The following ATXN2 variants were observed in gnomAD, a reference collection of about 807,000 sequenced individuals.
ATXN2 encodes the protein ataxin 2, also known as ataxin-2.
In ATXN2, 37 loss-of-function variants were observed where a neutral mutation model predicts 138.6. The observed-to-expected ratio is 0.27, with a 90% confidence interval of 0.21 to 0.35. The LOEUF (loss-of-function observed/expected upper bound fraction) is 0.35. Ranked by LOEUF, ATXN2 falls within the 10% of genes least tolerant of loss-of-function variation. The pLI is 1.00. For synonymous variants in ATXN2, 549 were observed against 543.7 expected, an observed-to-expected ratio of 1.01 and a Z score of -0.13; for missense variants, 1,216 against 1,480.3, an observed-to-expected ratio of 0.82 and a Z score of 2.93.
intron 15 of ATXN2, 151 bp from the exon 16 acceptor site, chr12:111,486,975 C>T: frequency 1.6e-6 from 1 of 642,502 alleles, no homozygotes; most frequent in Admixed American, 3.0e-5. Context: ...AACATATACA[C>T]TTATATTGCC....
rs1056986071 is a variant in ATXN2, at chr12:111,599,224, G to A, written c.-190C>T. On this transcript the variant is annotated 5_prime_UTR_variant, in exon 1 of 25. Transcript: ENST00000673436. ...CGACGAAGGGGCGGGGAGGCCCGCC[G>A]AGACCAAGGAGCCGCCGGGAGCCGG... is the stretch of plus-strand genomic sequence containing the variant. 3 of 1,199,742 alleles carry A rather than the reference G, an allele frequency of 2.5e-6. No individual in the cohort carries two copies. The highest frequency in any genetic ancestry group is 1.6e-5 in the African/African-American group (1 of 62,488). 74.3% of individuals were successfully genotyped at this position (1,199,742 alleles called of 1,614,324 possible).
At chr12:111,599,504 G>A, upstream of ATXN2, 1 of 1,214,216 alleles carries the variant, frequency 8.2e-7, no homozygotes, top group Non-Finnish European at 1.0e-6. Flanking sequence ...AGCTGCGGCC[G>A]CTGAGCGCAT....
chr12:111,464,613 A>G, intron 21 of ATXN2, 49 bp downstream of exon 21: 1 of 1,462,654 alleles, frequency 6.8e-7, no homozygotes, highest in Non-Finnish European at 9.6e-7. Flanking sequence ...TATCCTTTAA[A>G]AAGTGTTTTA....
intron 5 of ATXN2, among the ~76,000 whole-genome samples, chr12:111,543,634 C>T (rs1028212456): frequency 4.6e-5 from 7 of 152,074 alleles, no homozygotes; most frequent in Admixed American, 2.0e-4. Flanking sequence ...TTATTTGCAT[C>T]GCTGACTCCA....
intron 14 of ATXN2, among the ~76,000 whole-genome samples, chr12:111,500,842 C>T (rs952600277): frequency 1.1e-4 from 17 of 152,128 alleles, no homozygotes; most frequent in Admixed American, 1.3e-4. Flanking sequence ...CACCGCACTC[C>T]AGCCTGGCGA....
At chr12:111,565,481 T>C (rs1012528200) in intron 1 of ATXN2, among the ~76,000 whole-genome samples, 4 of 152,216 alleles carry the variant, frequency 2.6e-5, no homozygotes, top group Non-Finnish European at 2.9e-5. Context: ...TATTTTACAA[T>C]TGTAAATAAT....
chr12:111,452,416 G>A lies in ATXN2; in HGVS notation c.*396C>T, dbSNP rs1874716071. 1 of 155,030 alleles carries A rather than the reference G, an allele frequency of 6.5e-6. No individual in the cohort carries two copies. The highest frequency in any genetic ancestry group is 2.5e-5 in the African/African-American group (1 of 39,664). 9.6% of individuals were successfully genotyped at this position (155,030 alleles called of 1,614,324 possible). A position where few individuals can be genotyped will look rare whatever the true frequency, so the allele number is the denominator to read the frequency against. ...ACTTTGTCAAGTTTAGTAAAAGGGC[G>A]TTCCAAGTCTTGATTTTTTTTTTTT... On this transcript the variant is annotated 3_prime_UTR_variant, in exon 25 of 25. Coordinates refer to ENST00000673436, the MANE Select transcript of ATXN2 (RefSeq NM_001372574.1).
At chr12:111,536,303 T>C (rs1156573736) in intron 5 of ATXN2, among the ~76,000 whole-genome samples, 1 of 152,224 alleles carries the variant, frequency 6.6e-6, no homozygotes, top group African/African-American at 2.4e-5. Context: ...CTGTTAAATC[T>C]TTTGGTACAC....
chr12:111,585,468 G>A (rs1884271973), intron 1 of ATXN2, among the ~76,000 whole-genome samples: 1 of 150,816 alleles, frequency 6.6e-6, no homozygotes, highest in Non-Finnish European at 1.5e-5. Context: ...GGCCAAGATT[G>A]TACCATTGCA....
At chr12:111,507,232 C>G (rs1370328034) in intron 14 of ATXN2, among the ~76,000 whole-genome samples, 1 of 149,670 alleles carries the variant, frequency 6.7e-6, no homozygotes, top group Admixed American at 6.7e-5. Flanking sequence ...CGTCTCTGCC[C>G]GGCCACCCGT....
intron 1 of ATXN2, among the ~76,000 whole-genome samples, chr12:111,574,428 CTTTTT>C (rs1055911668): frequency 6.9e-6 from 1 of 145,824 alleles, no homozygotes. Flanking sequence ...ATTTTCTTTT[CTTTTT>C]TTTGGCGGTG....
At chr12:111,543,761 C>A (rs542678508) in intron 5 of ATXN2, among the ~76,000 whole-genome samples, 2 of 152,292 alleles carry the variant, frequency 1.3e-5, no homozygotes, top group East Asian at 3.9e-4. Context: ...TATGAACTCC[C>A]TGAAGAAACT....
rs1882651073 is a variant in ATXN2, at chr12:111,560,992, A to T, written c.252-5073T>A. Among the ~76,000 whole-genome samples the T allele has an allele frequency of 2.6e-5, 4 of 152,174 alleles. No individual in the cohort carries two copies. In the South Asian group the frequency reaches 8.3e-4, roughly 32 times the overall value. Reference sequence around the variant, plus strand: ...GTAATCCCAGCACTCCAGGAGGCCAAGGCGGGCTGAAACCCCATCTCTACT... The same window carrying T: ...GTAATCCCAGCACTCCAGGAGGCCATGGCGGGCTGAAACCCCATCTCTACT... On this transcript the variant is annotated intron_variant, in intron 1 of 24. Transcript: ENST00000673436.
chr12:111,453,902 T>C lies in ATXN2; in HGVS notation c.3271-57A>G, dbSNP rs1874867899. On this transcript the variant is annotated intron_variant, in intron 23 of 24. Transcript: ENST00000673436. This position sits in a 1 kb window ranked among gnomAD's most constrained non-coding sequence, Gnocchi z 5.4. ...CAACATCTCCGGCTTCAACAACATG[T>C]CAACTGTGTTCCTTTCACTGGGCTG... The C allele has an allele frequency of 2.0e-6, 3 of 1,525,690 alleles. No individual in the cohort carries two copies. The highest frequency in any genetic ancestry group is 2.7e-6 in the Non-Finnish European group (3 of 1,123,924). 94.5% of individuals were successfully genotyped at this position (1,525,690 alleles called of 1,614,324 possible).
chr12:111,501,908 T>TC (rs1878796663), intron 14 of ATXN2, among the ~76,000 whole-genome samples: 1 of 151,908 alleles, frequency 6.6e-6, no homozygotes, highest in South Asian at 2.1e-4. Flanking sequence ...TTTTTTTTTT[T>TC]CCAAACAGGG....
chr12:111,536,915 T>C (rs1235290916), intron 5 of ATXN2, among the ~76,000 whole-genome samples: 1 of 151,366 alleles, frequency 6.6e-6, no homozygotes, highest in Non-Finnish European at 1.5e-5. Context: ...CCCTAGTAGC[T>C]GAGATTACAG....
At chr12:111,535,872 C>T (rs1398783722) in intron 5 of ATXN2, among the ~76,000 whole-genome samples, 1 of 149,828 alleles carries the variant, frequency 6.7e-6, no homozygotes, top group African/African-American at 2.4e-5. Context: ...TAGTGGCGGG[C>T]GCCTGTAGTC....
rs905044088 is a variant in ATXN2 at position 111,561,692 on chromosome 12, C to T, written c.252-5773G>A. Among the ~76,000 whole-genome samples the T allele has an allele frequency of 2.6e-5, 4 of 151,972 alleles. 1 individual carries two copies. Among genetic ancestry groups the T allele is most frequent in the South Asian group, 4.2e-4 (2 of 4,810 alleles). On this transcript the variant is annotated intron_variant, in intron 1 of 24. Transcript: ENST00000673436. ...CTACTAAAACTATAAAAATTAGCCA[C>T]GTGTGGTGGCACATGTCTGTAATCC...
chr12:111,521,888 G>A (rs1880176990), intron 6 of ATXN2, among the ~76,000 whole-genome samples: 1 of 152,148 alleles, frequency 6.6e-6, no homozygotes, highest in African/African-American at 2.4e-5. Flanking sequence ...TGGGCCACAG[G>A]CTGGAAGACT....
Sources: allele counts gnomAD v4.1 joint callset (sites outside exome capture counted in the v4.1 genomes callset), GRCh38; gene constraint gnomAD v4.1.1; non-coding constraint Gnocchi (gnomAD v3.1); transcripts MANE v1.5; gene names NCBI Gene and HGNC (gene_info 2026-07-23, HGNC 2026-07-21).